Variants in CAMK1D observed in about 807,000 individuals in gnomAD.
The protein encoded by CAMK1D is calcium/calmodulin-dependent protein kinase type 1D.
In CAMK1D, 9 loss-of-function variants were observed where a neutral mutation model predicts 47.7. The ratio of observed to expected loss-of-function variants is 0.19; its 90% CI spans 0.11 to 0.33. CAMK1D has a LOEUF of 0.33. Ranked by LOEUF, CAMK1D falls within the 10% of genes least tolerant of loss-of-function variation. The pLI, the probability that CAMK1D is intolerant of heterozygous loss-of-function variation, is 1.00. For synonymous variants in CAMK1D, 184 were observed against 184.9 expected, an observed-to-expected ratio of 0.99 and a Z score of 0.04; for missense variants, 291 against 488.7, an observed-to-expected ratio of 0.60 and a Z score of 3.81.
At chr10:12,658,213 G>A (rs1840172312) in intron 2 of CAMK1D, among the ~76,000 whole-genome samples, 1 of 152,222 alleles carries the variant, frequency 6.6e-6, no homozygotes, top group African/African-American at 2.4e-5. Context: ...GTGAGAAACA[G>A]CAAAGGGTTC....
chr10:12,635,844 T>G (rs981438190), intron 2 of CAMK1D, among the ~76,000 whole-genome samples: 1 of 152,224 alleles, frequency 6.6e-6, no homozygotes, highest in African/African-American at 2.4e-5. Context: ...TAAATGATAC[T>G]CCATTGAGCA....
chr10:12,620,433 T>C lies in CAMK1D; in HGVS notation c.225-46303T>C, dbSNP rs1291951777. On this transcript the variant is annotated intron_variant, in intron 2 of 10. Coordinates refer to ENST00000619168, the MANE Select transcript of CAMK1D (RefSeq NM_153498.4). ...TCTGCATCCTCGCCAGGATCTGACG[T>C]TGCCGTCATTTTGTGATTTTAGCTA... Among the ~76,000 whole-genome samples, 5 of 152,248 alleles carry C rather than the reference T, an allele frequency of 3.3e-5. No individual in the cohort carries two copies. In the East Asian group the frequency reaches 9.6e-4, roughly 29 times the overall value.
intron 2 of CAMK1D, among the ~76,000 whole-genome samples, chr10:12,647,859 A>G (rs1299805561): frequency 3.3e-5 from 5 of 152,140 alleles, no homozygotes; most frequent in Admixed American, 2.6e-4. Flanking sequence ...GCCCATATGG[A>G]CTGCTTCCTG....
At chr10:12,572,049 A>C (rs200182043) in intron 2 of CAMK1D, among the ~76,000 whole-genome samples, 2,859 of 104,030 alleles carry the variant, frequency 0.027, 76 homozygotes, top group African/African-American at 0.11. Flanking sequence ...ACCCCCCCCC[A>C]AAAAAAAAGT....
intron 2 of CAMK1D, among the ~76,000 whole-genome samples, chr10:12,664,620 C>G (rs1464393880): frequency 6.6e-6 from 1 of 152,218 alleles, no homozygotes; most frequent in Non-Finnish European, 1.5e-5. Flanking sequence ...AGGTGCCAAT[C>G]TCTAAACCCA....
rs1244927320 is a variant in CAMK1D, at chr10:12,827,472, GTCTTTCTTTCTTTCTTTCTTTCTT to G, written c.1040-1251_1040-1228del. On this transcript the variant is annotated intron_variant, in intron 10 of 10. Coordinates refer to ENST00000619168, the MANE Select transcript of CAMK1D (RefSeq NM_153498.4). Reference sequence around the variant, plus strand: ...CTTTCTTTTCTTTCTTTGTCTGTCTGTCTTTCTTTCTTTCTTTCTTTCTTTCTTTCTTTCTTTCTTTCTTTCTTT... The same window carrying G: ...CTTTCTTTTCTTTCTTTGTCTGTCTGTCTTTCTTTCTTTCTTTCTTTCTTT... 2.2e-3 allele frequency among the ~76,000 whole-genome samples: 11 copies of G among 5,096 alleles called. 2 individuals are homozygous for G. The highest frequency in any genetic ancestry group is 5.4e-3 in the Admixed American group (2 of 372). 3.3% of individuals were successfully genotyped at this position (5,096 alleles called of 152,430 possible).
At chr10:12,425,431 G>C (rs1840198454) in intron 1 of CAMK1D, among the ~76,000 whole-genome samples, 1 of 151,944 alleles carries the variant, frequency 6.6e-6, no homozygotes, top group Non-Finnish European at 1.5e-5. Context: ...ATACACGTGT[G>C]CCACCACGCC....
intron 1 of CAMK1D, among the ~76,000 whole-genome samples, chr10:12,409,178 C>T (rs1399610558): frequency 6.6e-6 from 1 of 152,048 alleles, no homozygotes; most frequent in Non-Finnish European, 1.5e-5. Context: ...TTTACCTTCT[C>T]CATTCCTTAT....
chr10:12,356,721 C>CAAAAA (rs71384311), intron 1 of CAMK1D, among the ~76,000 whole-genome samples: 23 of 74,930 alleles, frequency 3.1e-4, no homozygotes, highest in East Asian at 6.6e-4. Flanking sequence ...GACTCCATTT[C>CAAAAA]AAAAAAAAAA....
Position 12,469,202 on chromosome 10 carries a change from C to T in CAMK1D, c.93-84023C>T, listed in dbSNP as rs1258056450. 2.0e-5 allele frequency among the ~76,000 whole-genome samples: 3 copies of T among 152,200 alleles called. No homozygotes were observed. The South Asian group carries it at 6.2e-4, about 32-fold the overall frequency. On this transcript the variant is annotated intron_variant, in intron 1 of 10. Transcript: ENST00000619168. ...ATGCCTGCTGAGCTTAAAGGGTCTC[C>T]TCTGAATGGGAACATGGCCTTGTTT...
chr10:12,479,219 G>T (rs1452978173), intron 1 of CAMK1D, among the ~76,000 whole-genome samples: 5 of 151,468 alleles, frequency 3.3e-5, no homozygotes, highest in African/African-American at 9.7e-5. Flanking sequence ...TTTTTGAGAC[G>T]GAGTTTCACT....
At chr10:12,555,572 T>A (rs570010316) in intron 2 of CAMK1D, among the ~76,000 whole-genome samples, 9 of 152,224 alleles carry the variant, frequency 5.9e-5, no homozygotes, top group Admixed American at 4.6e-4. Flanking sequence ...GAAAACACGA[T>A]GTTAATGAGA....
chr10:12,479,531 TGCTGCTGCCGCC>T (rs1834002184), intron 1 of CAMK1D, among the ~76,000 whole-genome samples: 1 of 152,178 alleles, frequency 6.6e-6, no homozygotes, highest in Admixed American at 6.5e-5. Context: ...CCAGCAGTGC[TGCTGCTGCCGCC>T]GCTGCTGTGG....
intron 3 of CAMK1D, among the ~76,000 whole-genome samples, chr10:12,683,352 C>G (rs1468321458): frequency 6.6e-6 from 1 of 152,094 alleles, no homozygotes; most frequent in Non-Finnish European, 1.5e-5. Context: ...TCCCAAAGTG[C>G]TAGGATTACA....
chr10:12,481,538 C>T (rs1176708924), intron 1 of CAMK1D, among the ~76,000 whole-genome samples: 1 of 151,982 alleles, frequency 6.6e-6, no homozygotes, highest in Non-Finnish European at 1.5e-5. Context: ...GAGATGGAGT[C>T]TCGCCCTGTT....
chr10:12,774,211 T>G (rs1210633993), intron 5 of CAMK1D, among the ~76,000 whole-genome samples: 1 of 152,102 alleles, frequency 6.6e-6, no homozygotes, highest in Non-Finnish European at 1.5e-5. Context: ...TAGGTGGCCT[T>G]AAGTACTATG....
intron 1 of CAMK1D, among the ~76,000 whole-genome samples, chr10:12,528,311 CA>C (rs1367836347): frequency 1.3e-5 from 2 of 152,182 alleles, no homozygotes; most frequent in Non-Finnish European, 2.9e-5. Flanking sequence ...AGAAAATTGC[CA>C]TAGGGATAAA....
chr10:12,526,186 A>G (rs1835615300), intron 1 of CAMK1D, among the ~76,000 whole-genome samples: 1 of 152,230 alleles, frequency 6.6e-6, no homozygotes, highest in Admixed American at 6.5e-5. Context: ...TCAGGCTCAG[A>G]GGGCAAGTCT....
chr10:12,523,639 G>T (rs1835517921), intron 1 of CAMK1D, among the ~76,000 whole-genome samples: 1 of 152,208 alleles, frequency 6.6e-6, no homozygotes, highest in Non-Finnish European at 1.5e-5. Context: ...CAGGCACTCG[G>T]CAGGCTGAGG....
Sources: gnomAD v4.1 joint callset for allele counts (sites outside exome capture counted in the v4.1 genomes callset) on GRCh38, gnomAD v4.1.1 for gene constraint, MANE v1.5 for transcripts, NCBI Gene and HGNC (gene_info 2026-07-23, HGNC 2026-07-21) for gene names.